The following CXCL13 variants were observed in gnomAD, a reference collection of about 807,000 sequenced individuals.
The protein encoded by CXCL13 is C-X-C motif chemokine ligand 13, also known as C-X-C motif chemokine 13.
CXCL13 carries 7 observed loss-of-function variants against 12.2 expected under a neutral mutation model. The observed-to-expected ratio is 0.57, with a 90% CI of 0.33 to 1.07. The LOEUF (loss-of-function observed/expected upper bound fraction) is 1.07, where lower values mean the gene tolerates loss of function less well. CXCL13 is among the 50% of genes least tolerant of loss of function. CXCL13 has a pLI of 0.04. For synonymous variants in CXCL13, 47 were observed against 42.4 expected (o/e 1.11, Z -0.42); for missense variants, 113 against 127.4 (o/e 0.89, Z 0.55).
At chr4:77,584,394 GGAA>G (rs570947933) in intron 1 of CXCL13, among the ~76,000 whole-genome samples, 46 of 152,190 alleles carry the variant, frequency 3.0e-4, no homozygotes, top group African/African-American at 1.1e-3. Flanking sequence ...TTGAGAACAG[GGAA>G]GAAGATCATT....
intron 1 of CXCL13, among the ~76,000 whole-genome samples, chr4:77,551,226 T>C (rs892975840): frequency 2.6e-5 from 4 of 152,362 alleles, no homozygotes; most frequent in African/African-American, 4.8e-5. Flanking sequence ...CTGTGGGCTA[T>C]GTACTTTAGT....
intron 1 of CXCL13, among the ~76,000 whole-genome samples, chr4:77,581,371 A>G (rs752991373): frequency 3.3e-5 from 5 of 152,216 alleles, no homozygotes; most frequent in Non-Finnish European, 7.3e-5. Flanking sequence ...TGTTGGATTA[A>G]CGTTGTTTAA....
At chr4:77,518,029 GA>G (rs532685913) in intron 1 of CXCL13, among the ~76,000 whole-genome samples, 105 of 141,446 alleles carry the variant, frequency 7.4e-4, no homozygotes, top group African/African-American at 3.3e-3. Flanking sequence ...GTCTGTAAAG[GA>G]TTTTATTTCT....
At chr4:77,535,750 C>T (rs1473742753) in intron 1 of CXCL13, among the ~76,000 whole-genome samples, 1 of 152,178 alleles carries the variant, frequency 6.6e-6, no homozygotes, top group African/African-American at 2.4e-5. Flanking sequence ...GCTGAAGTCT[C>T]AGCCAACAAA....
At chr4:77,530,204 C>G (rs564216012) in intron 1 of CXCL13, among the ~76,000 whole-genome samples, 1 of 152,102 alleles carries the variant, frequency 6.6e-6, no homozygotes, top group African/African-American at 2.4e-5. Flanking sequence ...ATTTTTGCAT[C>G]GATGTTCATC....
At chr4:77,549,991 C>A (rs1046695138) in intron 1 of CXCL13, among the ~76,000 whole-genome samples, 1 of 152,230 alleles carries the variant, frequency 6.6e-6, no homozygotes, top group Non-Finnish European at 1.5e-5. Flanking sequence ...CTGTGGTGGG[C>A]TCCACCCAGT....
chr4:77,603,778 T>TC (rs1410361121), upstream of CXCL13, among the ~76,000 whole-genome samples: 3 of 151,936 alleles, frequency 2.0e-5, no homozygotes, highest in African/African-American at 7.2e-5. Context: ...AGCAGTTTTT[T>TC]CCCAAACAGA....
chr4:77,515,737 A>G (rs1724399751), intron 1 of CXCL13, among the ~76,000 whole-genome samples: 1 of 152,232 alleles, frequency 6.6e-6, no homozygotes, highest in Non-Finnish European at 1.5e-5. Flanking sequence ...TAGATATACC[A>G]TCATGTCATC....
At position 77,577,363 on chromosome 4, in the gene CXCL13, A is replaced by G. The variant is rs562469541; in HGVS notation, c.-42-28461A>G. Among the ~76,000 whole-genome samples, 36 of 152,218 alleles carry G rather than the reference A, an allele frequency of 2.4e-4. No individual in the cohort carries two copies. The South Asian group carries it at 7.5e-3, about 32-fold the overall frequency. ...ATAAGGAGTTCATCCAACCCCCACC[A>G]AGACACATTTTTGGTCCCAAACTCA... On this transcript the variant is annotated intron_variant, in intron 1 of 4. Coordinates refer to the CXCL13 transcript ENST00000286758.
chr4:77,526,418 A>T (rs1724769649), intron 1 of CXCL13, among the ~76,000 whole-genome samples: 1 of 152,158 alleles, frequency 6.6e-6, no homozygotes, highest in Admixed American at 6.6e-5. Flanking sequence ...TTCACATTGT[A>T]AAATATGATG....
chr4:77,513,905 C>T (rs564917359), intron 1 of CXCL13, among the ~76,000 whole-genome samples: 1 of 151,676 alleles, frequency 6.6e-6, no homozygotes, highest in African/African-American at 2.4e-5. Context: ...GCTGCAACCA[C>T]TAACTCGTCA....
chr4:77,584,054 A>G (rs1726396588), intron 1 of CXCL13, among the ~76,000 whole-genome samples: 1 of 152,166 alleles, frequency 6.6e-6, no homozygotes, highest in Non-Finnish European at 1.5e-5. Flanking sequence ...TGTTCTCAAA[A>G]ATGAAGGGGC....
chr4:77,536,225 T>C (rs1341091074), intron 1 of CXCL13, among the ~76,000 whole-genome samples: 2 of 152,188 alleles, frequency 1.3e-5, no homozygotes, highest in Non-Finnish European at 2.9e-5. Flanking sequence ...CCTTATTTCA[T>C]TGACGATGTA....
At chr4:77,547,039 G>T (rs2109804598) in intron 1 of CXCL13, among the ~76,000 whole-genome samples, 1 of 152,292 alleles carries the variant, frequency 6.6e-6, no homozygotes, top group South Asian at 2.1e-4. Flanking sequence ...TTTCCATGTA[G>T]TTGTGCAGTT....
intron 1 of CXCL13, among the ~76,000 whole-genome samples, chr4:77,526,711 A>G (rs971827699): frequency 6.6e-6 from 1 of 152,166 alleles, no homozygotes; most frequent in Admixed American, 6.6e-5. Flanking sequence ...AAGCAAGCAG[A>G]TAAGTAAAAT....
chr4:77,548,992 C>A (rs1356949983), intron 1 of CXCL13, among the ~76,000 whole-genome samples: 2 of 152,204 alleles, frequency 1.3e-5, no homozygotes, highest in Non-Finnish European at 2.9e-5. Flanking sequence ...TAGATTTGGT[C>A]TTTTCACATA....
In CXCL13 at chr4:77,514,470, G is replaced by C. The variant is rs1342084898; in HGVS notation, c.-43+2682G>C. ...CTCCACATCCTCTCCAGCACCTGTT[G>C]TTTCCTGACTTTTTAATGATTGCCA... On this transcript the variant is annotated intron_variant, in intron 1 of 4. Transcript: ENST00000286758. 4.1e-3 allele frequency among the ~76,000 whole-genome samples: 590 copies of C among 143,746 alleles called. 14 individuals carry two copies. The highest frequency in any genetic ancestry group is 0.025 in the East Asian group (124 of 4,914). The allele number at this position is 143,746 out of a possible 152,430, so 94.3% of individuals were successfully genotyped here. A position where few individuals can be genotyped will look rare whatever the true frequency, so the allele number is the denominator to read the frequency against.
At chr4:77,594,668 C>T (rs1184599554) in intron 1 of CXCL13, among the ~76,000 whole-genome samples, 1 of 151,684 alleles carries the variant, frequency 6.6e-6, no homozygotes, top group Non-Finnish European at 1.5e-5. Flanking sequence ...GGTCCACATT[C>T]AACAACCTCA....
intron 1 of CXCL13, among the ~76,000 whole-genome samples, chr4:77,555,824 ATT>A: frequency 6.6e-6 from 1 of 152,300 alleles, no homozygotes; most frequent in South Asian, 2.1e-4. Context: ...GTCATTTGAC[ATT>A]TTAAAAAGAT....
Sources: allele counts gnomAD v4.1 joint callset (sites outside exome capture counted in the v4.1 genomes callset), GRCh38; gene constraint gnomAD v4.1.1; transcripts MANE v1.5; gene names NCBI Gene and HGNC (gene_info 2026-07-23, HGNC 2026-07-21).